The following NEDD4 variants were observed in gnomAD, a reference collection of about 807,000 sequenced individuals.
NEDD4 encodes the protein E3 ubiquitin-protein ligase NEDD4.
A neutral mutation model predicts 144.9 loss-of-function variants in NEDD4; 99 were observed. That is an observed-to-expected ratio of 0.68 (90% CI 0.58 to 0.81). The LOEUF (loss-of-function observed/expected upper bound fraction) is 0.81, where lower values mean the gene tolerates loss of function less well. Ranked by LOEUF, NEDD4 falls within the 30% of genes least tolerant of loss-of-function variation. NEDD4 has a pLI of 0.00. For missense variants in NEDD4, 985 were observed against 1,065.9 expected (o/e 0.92, Z 1.06); for synonymous variants, 318 against 350.6 (o/e 0.91, Z 1.04).
chr15:55,947,904 C>T (rs1421372698), intron 4 of NEDD4, among the ~76,000 whole-genome samples: 1 of 152,132 alleles, frequency 6.6e-6, no homozygotes, highest in Non-Finnish European at 1.5e-5. Context: ...GACAGGGATG[C>T]CCTCTCTCAC....
At chr15:55,938,313 C>T (rs955222396) in intron 4 of NEDD4, among the ~76,000 whole-genome samples, 4 of 152,008 alleles carry the variant, frequency 2.6e-5, no homozygotes, top group African/African-American at 9.7e-5. Context: ...GAGCCGAGAT[C>T]GTGCCACTGC....
chr15:55,986,096 C>A (rs978086860), intron 1 of NEDD4, among the ~76,000 whole-genome samples: 1 of 152,244 alleles, frequency 6.6e-6, no homozygotes, highest in African/African-American at 2.4e-5. Flanking sequence ...TGATTACAAC[C>A]TGCTGAATAA....
intron 4 of NEDD4, among the ~76,000 whole-genome samples, chr15:55,931,625 T>C (rs1183523595): frequency 6.6e-6 from 1 of 152,158 alleles, no homozygotes; most frequent in Non-Finnish European, 1.5e-5. Context: ...TATCCAGTTT[T>C]CCAAAAAGAA....
At chr15:55,931,016 T>A (rs147470936) in intron 4 of NEDD4, among the ~76,000 whole-genome samples, 1 of 152,158 alleles carries the variant, frequency 6.6e-6, no homozygotes, top group East Asian at 1.9e-4. Context: ...ACAAGGCATA[T>A]AACTGTGAAA....
intron 7 of NEDD4, among the ~76,000 whole-genome samples, chr15:55,869,947 A>C (rs889926537): frequency 6.6e-6 from 1 of 152,190 alleles, no homozygotes; most frequent in Non-Finnish European, 1.5e-5. Context: ...GATCAGAGAC[A>C]ATGTCAAAGA....
At chr15:55,842,703 A>C (rs2033569661) in intron 18 of NEDD4, among the ~76,000 whole-genome samples, 1 of 152,190 alleles carries the variant, frequency 6.6e-6, no homozygotes, top group Admixed American at 6.5e-5. Context: ...TGGTGATGGT[A>C]ATGCCCCCAT....
Position 55,860,692 on chromosome 15 carries a change from GT to G in NEDD4, c.760del (p.Thr254GlnfsTer16). ...FTTRRQISEE[T>X]ESVDNRESSE... The stretch of plus-strand genomic sequence containing the variant: ...AGACTCTCGGTTGTCAACACTTTCT[GT>G]TTCCTCGGATATCTGCCGCCTGGTG... On this transcript the variant is annotated frameshift_variant, in exon 10 of 29. Coordinates refer to ENST00000435532, the MANE Select transcript of NEDD4 (RefSeq NM_006154.4). LOFTEE classifies it high-confidence loss of function. 6.2e-7 allele frequency: 1 copy of G among 1,614,162 alleles called. No homozygotes were observed. The highest frequency in any genetic ancestry group is 8.5e-7 in the Non-Finnish European group (1 of 1,180,006).
intron 27 of NEDD4, 116 bp from the exon 28 acceptor site, chr15:55,830,702 A>T (rs1311605479): frequency 2.6e-6 from 2 of 758,720 alleles, no homozygotes; most frequent in East Asian, 5.2e-5. Flanking sequence ...AATCTGGTTT[A>T]TTTATTTATA....
chr15:55,938,174 C>T (rs942325759), intron 4 of NEDD4, among the ~76,000 whole-genome samples: 15 of 152,014 alleles, frequency 9.9e-5, no homozygotes, highest in East Asian at 5.8e-4. Flanking sequence ...TCCTGGCCAA[C>T]GTAGTGAAAC....
intron 2 of NEDD4, among the ~76,000 whole-genome samples, chr15:55,960,825 GC>G (rs1455198182): frequency 6.6e-6 from 1 of 152,126 alleles, no homozygotes; most frequent in Non-Finnish European, 1.5e-5. Context: ...CCCAGTAAAA[GC>G]CTCAGCCCAC....
chr15:55,923,659 A>AAAAAAAAAATAT (rs546642962), intron 5 of NEDD4, among the ~76,000 whole-genome samples: 1 of 135,266 alleles, frequency 7.4e-6, no homozygotes, highest in African/African-American at 2.8e-5. Context: ...AAAAAAAAAA[A>AAAAAAAAAATAT]ATATATATAT....
chr15:55,840,869 T>A, intron 19 of NEDD4, 142 bp from the exon 20 acceptor site: 1 of 860,482 alleles, frequency 1.2e-6, no homozygotes, highest in Non-Finnish European at 1.8e-6. Flanking sequence ...TTAAAAATAG[T>A]AATTTCTGTC....
chr15:55,905,890 T>G (rs969773936), intron 5 of NEDD4, among the ~76,000 whole-genome samples: 5 of 152,220 alleles, frequency 3.3e-5, no homozygotes, highest in African/African-American at 1.2e-4. Context: ...AGATCCCATT[T>G]GTCAATTTTG....
chr15:55,852,392 G>T, intron 13 of NEDD4, 32 bp downstream of exon 13: 3 of 1,593,834 alleles, frequency 1.9e-6, no homozygotes, highest in Non-Finnish European at 2.6e-6. Flanking sequence ...TTTAAATCCT[G>T]TAAGAAAGCA....
intron 5 of NEDD4, among the ~76,000 whole-genome samples, chr15:55,875,548 C>A (rs1297108813): frequency 3.9e-5 from 6 of 152,092 alleles, no homozygotes; most frequent in Admixed American, 2.6e-4. Flanking sequence ...AAACTCCTGA[C>A]CTCAGGTGAT....
At chr15:55,950,735 T>C (rs943665954) in intron 4 of NEDD4, among the ~76,000 whole-genome samples, 10 of 152,148 alleles carry the variant, frequency 6.6e-5, no homozygotes, top group Middle Eastern at 3.4e-3. Flanking sequence ...GAGAAACGAC[T>C]CAACAGCTAA....
At chr15:55,848,239 G>A in intron 17 of NEDD4, 133 bp downstream of exon 17, 5 of 800,754 alleles carry the variant, frequency 6.2e-6, no homozygotes, top group South Asian at 3.0e-5. Context: ...TGGAGTATGG[G>A]AAATGGGGGA....
rs535620120 is a variant in NEDD4, at chr15:55,970,441, TCAC to T, written c.46-3898_46-3896del. On this transcript the variant is annotated intron_variant, in intron 1 of 28. Transcript: ENST00000435532. ...AACACAAGTGGTAGCCAGGAAATAG[TCAC>T]CACAAGCCTTAGGCAAAATCCAGTA... 2.5e-4 allele frequency among the ~76,000 whole-genome samples: 38 copies of T among 152,288 alleles called. 1 individual carries two copies. In the East Asian group the frequency reaches 7.2e-3, roughly 29 times the overall value.
intron 5 of NEDD4, among the ~76,000 whole-genome samples, chr15:55,912,575 T>A (rs1286362318): frequency 6.6e-6 from 1 of 152,086 alleles, no homozygotes; most frequent in Non-Finnish European, 1.5e-5. Flanking sequence ...TCTCTGAGCA[T>A]CCTAACAACA....
Sources: gnomAD v4.1 joint callset for allele counts (sites outside exome capture counted in the v4.1 genomes callset) on GRCh38, gnomAD v4.1.1 for gene constraint, MANE v1.5 for transcripts, NCBI Gene and HGNC (gene_info 2026-07-23, HGNC 2026-07-21) for gene names.